Variants in CTNNA2 observed in about 807,000 individuals in gnomAD.
CTNNA2 encodes catenin alpha 2.
In CTNNA2, 42 loss-of-function variants were observed where a neutral mutation model predicts 101.0. The ratio of observed to expected loss-of-function variants is 0.42; its 90% CI spans 0.32 to 0.54. The LOEUF (loss-of-function observed/expected upper bound fraction) is 0.54. CTNNA2 is among the 20% of genes least tolerant of loss of function. The probability of loss-of-function intolerance (pLI) is 0.14; values close to 1 mark genes in which losing one functional copy is unlikely to be tolerated. For synonymous variants in CTNNA2, 450 were observed against 456.4 expected (o/e 0.99, Z 0.18); for missense variants, 871 against 1,223.1 (o/e 0.71, Z 4.29).
At chr2:79,289,758 G>T (rs1343950210) in intron 2 of CTNNA2, among the ~76,000 whole-genome samples, 1 of 152,068 alleles carries the variant, frequency 6.6e-6, no homozygotes, top group Admixed American at 6.5e-5. Context: ...AAAAGAAATA[G>T]AAAAGAAAAG....
In CTNNA2 at chr2:80,608,978, G is replaced by A. The variant is rs17019482; in HGVS notation, c.2430+660G>A. 6.5e-4 allele frequency among the ~76,000 whole-genome samples: 99 copies of A among 151,894 alleles called. 2 individuals are homozygous for A. The East Asian group carries it at 0.018, about 27-fold the overall frequency. On this transcript the variant is annotated intron_variant, in intron 17 of 18. Coordinates refer to ENST00000402739, the MANE Select transcript of CTNNA2 (RefSeq NM_001282597.3). The stretch of plus-strand genomic sequence containing the variant: ...AAATAAGTTCAATGAATATTTAGAA[G>A]AATCACAATTTCTTGGCAAGATTTC...
Position 79,281,166 on chromosome 2 carries a change from A to T in CTNNA2, c.-405-31543A>T, listed in dbSNP as rs550374692. On this transcript the variant is annotated intron_variant, in intron 2 of 21. Coordinates refer to the CTNNA2 transcript ENST00000466387. ...GAACCATCCTTACATGATCATAGGC[A>T]GTCTTGGTGGGACTATCAGTCAGAT... Among the ~76,000 whole-genome samples the T allele has an allele frequency of 8.9e-4, 135 of 152,118 alleles. 4 individuals carry two copies. In the South Asian group the frequency reaches 0.027, roughly 30 times the overall value.
intron 2 of CTNNA2, among the ~76,000 whole-genome samples, chr2:79,736,443 T>C (rs1240380461): frequency 3.3e-5 from 5 of 152,226 alleles, no homozygotes; most frequent in Non-Finnish European, 1.5e-5. Context: ...CATTAAAACC[T>C]GACTGAAGAT....
chr2:79,372,933 G>A (rs899066626), intron 3 of CTNNA2, among the ~76,000 whole-genome samples: 1 of 152,106 alleles, frequency 6.6e-6, no homozygotes, highest in Non-Finnish European at 1.5e-5. Context: ...TTCTTCAGAA[G>A]ACAAACAACT....
At chr2:80,397,658 A>G (rs533369452) in intron 8 of CTNNA2, among the ~76,000 whole-genome samples, 14 of 152,160 alleles carry the variant, frequency 9.2e-5, no homozygotes, top group South Asian at 4.2e-4. Flanking sequence ...GGCCTCCCCA[A>G]CCTTGTGGAG....
At chr2:79,372,951 T>G (rs1395919821) in intron 3 of CTNNA2, among the ~76,000 whole-genome samples, 2 of 152,154 alleles carry the variant, frequency 1.3e-5, no homozygotes, top group African/African-American at 4.8e-5. Context: ...ACTCCCCAGG[T>G]TTTACAACTG....
At chr2:79,470,619 T>C (rs893068358) in intron 4 of CTNNA2, among the ~76,000 whole-genome samples, 2 of 152,200 alleles carry the variant, frequency 1.3e-5, no homozygotes, top group African/African-American at 4.8e-5. Context: ...AGAAGTTTTT[T>C]ATAAAATTGA....
At chr2:79,919,845 G>A (rs1351566066) in intron 7 of CTNNA2, among the ~76,000 whole-genome samples, 1 of 152,182 alleles carries the variant, frequency 6.6e-6, no homozygotes, top group Non-Finnish European at 1.5e-5. Flanking sequence ...TCTTGATTCA[G>A]TTCGAAAATT....
chr2:80,144,112 C>A (rs1413298343), intron 7 of CTNNA2, among the ~76,000 whole-genome samples: 2 of 152,150 alleles, frequency 1.3e-5, no homozygotes, highest in African/African-American at 4.8e-5. Flanking sequence ...TCTTTTAGCT[C>A]TAACACAAGT....
At chr2:79,419,299 G>A (rs1175593390) in intron 4 of CTNNA2, among the ~76,000 whole-genome samples, 2 of 152,152 alleles carry the variant, frequency 1.3e-5, no homozygotes, top group Non-Finnish European at 2.9e-5. Context: ...GAGACTATCA[G>A]TAAGTATCAG....
chr2:79,733,394 G>A (rs1687322868), intron 2 of CTNNA2, among the ~76,000 whole-genome samples: 1 of 152,022 alleles, frequency 6.6e-6, no homozygotes, highest in African/African-American at 2.4e-5. Flanking sequence ...TGTCAGCTAT[G>A]TGTTTTCTTA....
intron 4 of CTNNA2, among the ~76,000 whole-genome samples, chr2:79,468,443 C>A (rs933670686): frequency 1.3e-5 from 2 of 152,086 alleles, no homozygotes; most frequent in South Asian, 2.1e-4. Context: ...GACTTTAACA[C>A]CCCACTGTCA....
intron 6 of CTNNA2, among the ~76,000 whole-genome samples, chr2:79,880,183 G>A (rs906606672): frequency 6.6e-6 from 1 of 152,178 alleles, no homozygotes; most frequent in Non-Finnish European, 1.5e-5. Context: ...TGGTCATGGA[G>A]GGTAAGTTTT....
chr2:79,466,679 C>A (rs1468510163), intron 4 of CTNNA2, among the ~76,000 whole-genome samples: 1 of 152,192 alleles, frequency 6.6e-6, no homozygotes, highest in Admixed American at 6.5e-5. Context: ...TGAGACGGAG[C>A]TTCCAGAGGA....
chr2:80,003,373 T>G (rs1379159136), intron 7 of CTNNA2, among the ~76,000 whole-genome samples: 1 of 152,170 alleles, frequency 6.6e-6, no homozygotes. Flanking sequence ...CAAATAGACT[T>G]AACTGCCAAC....
chr2:79,835,126 C>T (rs1006264326), intron 3 of CTNNA2, among the ~76,000 whole-genome samples: 10 of 152,120 alleles, frequency 6.6e-5, no homozygotes, highest in Non-Finnish European at 1.5e-4. Flanking sequence ...TCTTCACAAT[C>T]CTCTTGGCTT....
chr2:79,862,476 A>G (rs1681697489), intron 4 of CTNNA2, among the ~76,000 whole-genome samples: 1 of 152,218 alleles, frequency 6.6e-6, no homozygotes, highest in South Asian at 2.1e-4. Context: ...TTGTGTTTGA[A>G]TAACAGTAGT....
At chr2:79,477,150 CTTTTTTTTCTTTTTTTTCT>C (rs1204455635) in intron 4 of CTNNA2, among the ~76,000 whole-genome samples, 3 of 111,316 alleles carry the variant, frequency 2.7e-5, no homozygotes, top group Non-Finnish European at 5.9e-5. Flanking sequence ...CTTTTTATTT[CTTTTTTTTCTTTTTTTTCT>C]TTTTTTTTTT....
chr2:79,206,518 C>T (rs774916057), intron 2 of CTNNA2, among the ~76,000 whole-genome samples: 40 of 152,184 alleles, frequency 2.6e-4, no homozygotes, highest in Non-Finnish European at 4.7e-4. Context: ...CTTGGAGCTT[C>T]TAAACCTTCC....
Sources: allele counts gnomAD v4.1 joint callset (sites outside exome capture counted in the v4.1 genomes callset), GRCh38; gene constraint gnomAD v4.1.1; transcripts MANE v1.5; gene names NCBI Gene and HGNC (gene_info 2026-07-23, HGNC 2026-07-21).